Variants in ISM1 observed in about 807,000 individuals in gnomAD.
The protein encoded by ISM1 is isthmin 1, also known as isthmin-1.
In ISM1, 25 loss-of-function variants were observed where a neutral mutation model predicts 46.3. The observed-to-expected ratio is 0.54, with a 90% confidence interval of 0.39 to 0.75. ISM1 has a LOEUF of 0.75. Among genes scored for constraint, ISM1 ranks in the 30% least tolerant of loss-of-function variants. The probability of loss-of-function intolerance (pLI) is 0.00; values close to 1 mark genes in which losing one functional copy is unlikely to be tolerated. For missense variants in ISM1, 536 were observed against 625.4 expected (o/e 0.86, Z 1.52); for synonymous variants, 255 against 256.7 (o/e 0.99, Z 0.06).
At chr20:13,270,357 G>A (rs2040097441) in intron 1 of ISM1, 147 bp from the exon 2 acceptor site, 2 of 823,026 alleles carry the variant, frequency 2.4e-6, no homozygotes, top group Non-Finnish European at 3.7e-6. Flanking sequence ...ACTAAACCAT[G>A]GGTTTGCAAA....
At chr20:13,298,869 A>C in intron 5 of ISM1, 73 bp from the exon 6 acceptor site, 1 of 1,493,388 alleles carries the variant, frequency 6.7e-7, no homozygotes, top group Middle Eastern at 1.8e-4. Context: ...GCCTGGTGTC[A>C]CATGCTCCTT....
intron 2 of ISM1, among the ~76,000 whole-genome samples, chr20:13,274,643 C>T (rs1221694773): frequency 6.6e-6 from 1 of 152,118 alleles, no homozygotes; most frequent in East Asian, 1.9e-4. Context: ...ATGCAAGAGT[C>T]CACGTCCCGC....
chr20:13,306,021 T>C, the ISM1 span, among the ~76,000 whole-genome samples: 2 of 152,312 alleles, frequency 1.3e-5, no homozygotes, highest in East Asian at 3.9e-4. Context: ...GCTAATTTTC[T>C]ATCTGTTCTG....
At chr20:13,292,139 C>T (rs1314388184) in intron 4 of ISM1, among the ~76,000 whole-genome samples, 2 of 152,180 alleles carry the variant, frequency 1.3e-5, no homozygotes, top group African/African-American at 4.8e-5. Context: ...GTTCCTAGGA[C>T]TTATTCAGGC....
In ISM1 at chr20:13,290,947, A is replaced by G. The variant is rs1004999991; in HGVS notation, c.788-1427A>G. On this transcript the variant is annotated intron_variant, in intron 4 of 5. Coordinates refer to ENST00000262487, the MANE Select transcript of ISM1 (RefSeq NM_080826.2). ...TCCGGACAGTCTGATTACAGAGTTC[A>G]TATTCTTAATCATTAAACTCTTTGG... 3.3e-5 allele frequency among the ~76,000 whole-genome samples: 5 copies of G among 152,350 alleles called. No individual in the cohort carries two copies. In the East Asian group the frequency reaches 7.7e-4, roughly 24 times the overall value.
chr20:13,291,461 A>G (rs2040352202), intron 4 of ISM1, among the ~76,000 whole-genome samples: 2 of 152,228 alleles, frequency 1.3e-5, no homozygotes, highest in Non-Finnish European at 2.9e-5. Context: ...CTCACATAAA[A>G]TCAGAGAGAG....
chr20:13,229,557 A>ATCACAACTC (rs2039565630), intron 1 of ISM1, among the ~76,000 whole-genome samples: 1 of 152,208 alleles, frequency 6.6e-6, no homozygotes, highest in African/African-American at 2.4e-5. Context: ...CACAATTTGT[A>ATCACAACTC]TATCCCCATC....
intron 1 of ISM1, among the ~76,000 whole-genome samples, chr20:13,225,868 A>G (rs1600474696): frequency 6.6e-6 from 1 of 152,200 alleles, no homozygotes; most frequent in East Asian, 1.9e-4. Flanking sequence ...ATGATAAAAC[A>G]TACATAGATA....
intron 1 of ISM1, among the ~76,000 whole-genome samples, chr20:13,269,737 T>C (rs79130223): frequency 0.05 from 7,615 of 152,262 alleles, 250 homozygotes; most frequent in Admixed American, 0.094. Flanking sequence ...CTCTCCATCA[T>C]CTTCTTTCTT....
intron 1 of ISM1, among the ~76,000 whole-genome samples, chr20:13,263,826 TA>T (rs1375289261): frequency 6.6e-6 from 1 of 152,222 alleles, no homozygotes; most frequent in African/African-American, 2.4e-5. Flanking sequence ...TAATTAACTA[TA>T]TTGTTAGTTT....
downstream of ISM1, among the ~76,000 whole-genome samples, chr20:13,300,931 G>A (rs1384925358): frequency 6.6e-6 from 1 of 152,094 alleles, no homozygotes; most frequent in Non-Finnish European, 1.5e-5. Flanking sequence ...AGATGAGCAG[G>A]GCCACTTCCA....
chr20:13,231,598 C>G (rs758578039), intron 1 of ISM1, among the ~76,000 whole-genome samples: 1 of 152,150 alleles, frequency 6.6e-6, no homozygotes, highest in African/African-American at 2.4e-5. Flanking sequence ...TTTTGTAAAC[C>G]GAGTAGAAGT....
At chr20:13,284,186 C>T (rs1236691540) in intron 3 of ISM1, among the ~76,000 whole-genome samples, 2 of 152,242 alleles carry the variant, frequency 1.3e-5, no homozygotes, top group African/African-American at 4.8e-5. Flanking sequence ...TCGGTAGACA[C>T]TGTCATCTAG....
chr20:13,254,831 G>A (rs905659241), intron 1 of ISM1, among the ~76,000 whole-genome samples: 1 of 152,250 alleles, frequency 6.6e-6, no homozygotes, highest in African/African-American at 2.4e-5. Flanking sequence ...TTCGAGAGAT[G>A]TAGGAGGAGT....
intron 3 of ISM1, among the ~76,000 whole-genome samples, chr20:13,282,608 C>T (rs1023307493): frequency 2.0e-5 from 3 of 152,174 alleles, no homozygotes; most frequent in Non-Finnish European, 2.9e-5. Context: ...GAGCTCGTAG[C>T]ATGCCTGGGC....
intron 2 of ISM1, among the ~76,000 whole-genome samples, chr20:13,271,536 T>C (rs1365566368): frequency 6.6e-6 from 1 of 152,238 alleles, no homozygotes; most frequent in Non-Finnish European, 1.5e-5. Flanking sequence ...CTATTGGTAA[T>C]GCACCAGATA....
At chr20:13,243,659 A>G (rs1437350355) in intron 1 of ISM1, among the ~76,000 whole-genome samples, 1 of 152,060 alleles carries the variant, frequency 6.6e-6, no homozygotes, top group African/African-American at 2.4e-5. Context: ...TGAATAAAAA[A>G]AAATTAGCCC....
At chr20:13,242,322 T>C (rs752577263) in intron 1 of ISM1, among the ~76,000 whole-genome samples, 1 of 152,194 alleles carries the variant, frequency 6.6e-6, no homozygotes, top group Non-Finnish European at 1.5e-5. Context: ...CACAGAGCAG[T>C]TGGAACATCC....
downstream of ISM1, among the ~76,000 whole-genome samples, chr20:13,305,425 C>G (rs1404570211): frequency 6.6e-6 from 1 of 152,114 alleles, no homozygotes; most frequent in Non-Finnish European, 1.5e-5. Flanking sequence ...AATTCCATCC[C>G]GACACACAAA....
Sources: allele counts gnomAD v4.1 joint callset (sites outside exome capture counted in the v4.1 genomes callset), GRCh38; gene constraint gnomAD v4.1.1; transcripts MANE v1.5; gene names NCBI Gene and HGNC (gene_info 2026-07-23, HGNC 2026-07-21).